Variants in PAK1 observed in about 807,000 individuals in gnomAD.
PAK1 encodes serine/threonine-protein kinase PAK 1.
PAK1 carries 29 observed loss-of-function variants against 67.4 expected under a neutral mutation model. That is an observed-to-expected ratio of 0.43 (90% CI 0.32 to 0.59). PAK1 has a LOEUF of 0.59. Among genes scored for constraint, PAK1 ranks in the 20% least tolerant of loss-of-function variants. The pLI is 0.07. For missense variants in PAK1, 337 were observed against 670.7 expected, an observed-to-expected ratio of 0.50 and a Z score of 5.50; for synonymous variants, 223 against 237.4, an observed-to-expected ratio of 0.94 and a Z score of 0.56.
intron 8 of PAK1, among the ~76,000 whole-genome samples, chr11:77,351,946 A>G (rs1451287042): frequency 6.6e-6 from 1 of 151,990 alleles, no homozygotes; most frequent in Non-Finnish European, 1.5e-5. Flanking sequence ...TGATTTTTAT[A>G]TATGTACACA....
At chr11:77,333,075 T>C (rs899299634) in intron 13 of PAK1, among the ~76,000 whole-genome samples, 2 of 152,094 alleles carry the variant, frequency 1.3e-5, no homozygotes, top group Admixed American at 6.6e-5. Flanking sequence ...GTCTGTAAAG[T>C]AGGGATGATG....
chr11:77,334,061 C>A (rs2136143350), intron 13 of PAK1, among the ~76,000 whole-genome samples: 2 of 151,634 alleles, frequency 1.3e-5, no homozygotes, highest in Middle Eastern at 6.8e-3. Context: ...CCCAGCTACT[C>A]AGGAGGCTGA....
At chr11:77,426,395 G>C (rs1487205607) in intron 1 of PAK1, among the ~76,000 whole-genome samples, 1 of 152,156 alleles carries the variant, frequency 6.6e-6, no homozygotes, top group Non-Finnish European at 1.5e-5. Flanking sequence ...CAAAACCAGA[G>C]TCAACCCTAC....
intron 1 of PAK1, among the ~76,000 whole-genome samples, chr11:77,444,729 T>C (rs904304503): frequency 1.3e-5 from 2 of 152,150 alleles, no homozygotes; most frequent in South Asian, 2.1e-4. Context: ...TAGTATAATA[T>C]ACACAAAAAC....
chr11:77,378,572 A>C (rs938714348), intron 4 of PAK1, among the ~76,000 whole-genome samples: 1 of 152,100 alleles, frequency 6.6e-6, no homozygotes, highest in Admixed American at 6.5e-5. Context: ...CACATCAATC[A>C]GCTCACTTAT....
intron 4 of PAK1, among the ~76,000 whole-genome samples, chr11:77,376,292 C>G (rs1018847027): frequency 1.3e-5 from 2 of 152,092 alleles, no homozygotes; most frequent in African/African-American, 4.8e-5. Context: ...GTGCTTCCAG[C>G]ACTTTCATTT....
chr11:77,490,472 C>A, the PAK1 span, among the ~76,000 whole-genome samples: 4 of 148,268 alleles, frequency 2.7e-5, no homozygotes, highest in Non-Finnish European at 3.0e-5. Context: ...GGTCAGCCCC[C>A]CGCCCGGCCA....
chr11:77,506,565 A>G, the PAK1 span, among the ~76,000 whole-genome samples: 4 of 152,194 alleles, frequency 2.6e-5, no homozygotes, highest in African/African-American at 9.7e-5. Flanking sequence ...TAACTACTGT[A>G]TGGAGAATGA....
At chr11:77,469,273 G>C (rs917586539) in intron 1 of PAK1, among the ~76,000 whole-genome samples, 1 of 152,008 alleles carries the variant, frequency 6.6e-6, no homozygotes, top group Non-Finnish European at 1.5e-5. Context: ...ATGACTCTCA[G>C]GTTTCCTCAC....
At chr11:77,516,154 A>C in the PAK1 span, among the ~76,000 whole-genome samples, 1 of 152,240 alleles carries the variant, frequency 6.6e-6, no homozygotes, top group Non-Finnish European at 1.5e-5. Context: ...TAAATTCTTG[A>C]AAAGACTTAA....
chr11:77,401,499 A>G (rs1952682302), intron 1 of PAK1, among the ~76,000 whole-genome samples: 1 of 152,226 alleles, frequency 6.6e-6, no homozygotes, highest in African/African-American at 2.4e-5. Flanking sequence ...AAGCATATAT[A>G]AAAGCACCTA....
chr11:77,449,267 C>A (rs940537720), intron 1 of PAK1, among the ~76,000 whole-genome samples: 4 of 152,150 alleles, frequency 2.6e-5, no homozygotes, highest in Admixed American at 1.3e-4. Context: ...CTAGCCCACA[C>A]AGAAACAGCT....
chr11:77,500,617 AGGAGG>A, the PAK1 span, among the ~76,000 whole-genome samples: 1 of 152,164 alleles, frequency 6.6e-6, no homozygotes, highest in Admixed American at 6.5e-5. Context: ...AAGCCGAGGC[AGGAGG>A]ATCATTTGAG....
chr11:77,527,125 C>T, the PAK1 span, among the ~76,000 whole-genome samples: 9 of 152,020 alleles, frequency 5.9e-5, no homozygotes, highest in East Asian at 1.9e-4. Context: ...TCTTTCGAGA[C>T]GGGTTCTCAC....
chr11:77,412,855 C>T (rs576033693), intron 1 of PAK1, among the ~76,000 whole-genome samples: 1 of 152,302 alleles, frequency 6.6e-6, no homozygotes, highest in South Asian at 2.1e-4. Context: ...GGAAAATGTC[C>T]AGGGCTCATA....
intron 14 of PAK1, among the ~76,000 whole-genome samples, chr11:77,331,711 A>T (rs1309703021): frequency 6.6e-6 from 1 of 152,052 alleles, no homozygotes; most frequent in African/African-American, 2.4e-5. Flanking sequence ...GGTACAGCAC[A>T]CCAACATGGT....
At chr11:77,365,730 G>A (rs372893474) in intron 5 of PAK1, among the ~76,000 whole-genome samples, 4 of 152,036 alleles carry the variant, frequency 2.6e-5, no homozygotes, top group East Asian at 1.9e-4. Flanking sequence ...CTACTCGGGC[G>A]GCTGAGGCAA....
At chr11:77,441,856 C>T (rs1956369294) in intron 1 of PAK1, among the ~76,000 whole-genome samples, 1 of 152,184 alleles carries the variant, frequency 6.6e-6, no homozygotes, top group Non-Finnish European at 1.5e-5. Context: ...AGTCAAAATG[C>T]TCAGACCTGC....
chr11:77,376,038 A>C (rs1479207923), intron 4 of PAK1, among the ~76,000 whole-genome samples: 1 of 152,222 alleles, frequency 6.6e-6, no homozygotes, highest in Admixed American at 6.5e-5. Flanking sequence ...ATATACTTTA[A>C]ACATAATTCG....
Sources: allele counts gnomAD v4.1 joint callset (sites outside exome capture counted in the v4.1 genomes callset), GRCh38; gene constraint gnomAD v4.1.1; transcripts MANE v1.5; gene names NCBI Gene and HGNC (gene_info 2026-07-23, HGNC 2026-07-21).